Variants in NR3C2 observed in about 807,000 individuals in gnomAD.
NR3C2 encodes the protein nuclear receptor subfamily 3 group C member 2.
A neutral mutation model predicts 86.4 loss-of-function variants in NR3C2; 15 were observed. The ratio of observed to expected loss-of-function variants is 0.17; its 90% confidence interval spans 0.12 to 0.27. The LOEUF (loss-of-function observed/expected upper bound fraction) is 0.27. Among genes scored for constraint, NR3C2 ranks in the 10% least tolerant of loss-of-function variants. The probability of loss-of-function intolerance (pLI) is 1.00; values close to 1 mark genes in which losing one functional copy is unlikely to be tolerated. For missense variants in NR3C2, 960 were observed against 1,195.6 expected (o/e 0.80, Z 2.91); for synonymous variants, 458 against 450.5 (o/e 1.02, Z -0.21).
chr4:148,426,705 A>G (rs911345249), intron 2 of NR3C2, among the ~76,000 whole-genome samples: 6 of 152,302 alleles, frequency 3.9e-5, no homozygotes, highest in Non-Finnish European at 7.3e-5. Context: ...GTCACTACAT[A>G]CATTCCCTCC....
At chr4:148,136,101 C>A (rs9762359) in intron 6 of NR3C2, among the ~76,000 whole-genome samples, 140,090 of 141,082 alleles carry the variant, frequency 0.99, 69,549 homozygotes, top group South Asian at 1. Flanking sequence ...ACCACCAAAA[C>A]CAACAAAAAA....
chr4:148,275,851 C>T (rs977716814), intron 2 of NR3C2, among the ~76,000 whole-genome samples: 6 of 151,918 alleles, frequency 3.9e-5, no homozygotes, highest in East Asian at 1.9e-4. Context: ...GGACATCAAG[C>T]GATTTTGAAG....
intron 2 of NR3C2, among the ~76,000 whole-genome samples, chr4:148,310,062 T>A (rs1489159786): frequency 6.6e-6 from 1 of 152,210 alleles, no homozygotes; most frequent in African/African-American, 2.4e-5. Flanking sequence ...ATGAATACGA[T>A]ATAATTATTT....
rs772640003 is a variant in NR3C2, at chr4:148,436,282, A to T, written c.579T>A (p.Ser193=). 1.9e-6 allele frequency: 3 copies of T among 1,614,186 alleles called. No individual in the cohort carries two copies. Among genetic ancestry groups the T allele is most frequent in the Non-Finnish European group, 2.5e-6 (3 of 1,179,998 alleles). ...ATGTCATGTTCAGAGGGCTGCAAAC[A>T]GACGGGCTTTTCTCATGACACATGA... is the stretch of plus-strand genomic sequence containing the variant. ...SPIMCHEKSP[S]VCSPLNMTSS... Residue 193 remains serine, a synonymous_variant, in exon 2 of 9, where the codon TCT becomes TCA. Coordinates refer to ENST00000358102, the MANE Select transcript of NR3C2 (RefSeq NM_000901.5).
chr4:148,233,141 G>T (rs1309472205), intron 3 of NR3C2, among the ~76,000 whole-genome samples: 1 of 152,104 alleles, frequency 6.6e-6, no homozygotes, highest in Non-Finnish European at 1.5e-5. Context: ...CTTATCATTT[G>T]TGTGTTCACT....
chr4:148,134,513 A>T (rs1733184737), intron 6 of NR3C2, among the ~76,000 whole-genome samples: 1 of 152,128 alleles, frequency 6.6e-6, no homozygotes, highest in African/African-American at 2.4e-5. Flanking sequence ...ATCAGAACTA[A>T]GTAGCGGTGC....
intron 6 of NR3C2, among the ~76,000 whole-genome samples, chr4:148,151,622 ACTTTT>A (rs1299455496): frequency 1.3e-5 from 2 of 152,162 alleles, no homozygotes; most frequent in Non-Finnish European, 2.9e-5. Context: ...ATCTGTCTAT[ACTTTT>A]CATCTTTTGC....
At chr4:148,348,931 C>T (rs1383775287) in intron 2 of NR3C2, among the ~76,000 whole-genome samples, 1 of 152,130 alleles carries the variant, frequency 6.6e-6, no homozygotes, top group Non-Finnish European at 1.5e-5. Context: ...GACTTTTCAA[C>T]CATATTCAAG....
intron 8 of NR3C2, among the ~76,000 whole-genome samples, chr4:148,110,651 T>A (rs1732008518): frequency 6.6e-6 from 1 of 152,112 alleles, no homozygotes. Flanking sequence ...ATAAATAGAG[T>A]ATTCAAGATG....
At chr4:148,228,563 C>T (rs955506962) in intron 3 of NR3C2, among the ~76,000 whole-genome samples, 5 of 152,156 alleles carry the variant, frequency 3.3e-5, no homozygotes, top group Admixed American at 2.0e-4. Context: ...ATTATGGAAA[C>T]AGGTCCTCTG....
intron 2 of NR3C2, among the ~76,000 whole-genome samples, chr4:148,428,859 C>T (rs1749671889): frequency 6.6e-6 from 1 of 152,108 alleles, no homozygotes; most frequent in African/African-American, 2.4e-5. Context: ...CCCAAGTGCA[C>T]TTCCTCTCCT....
At chr4:148,302,382 T>A (rs898071762) in intron 2 of NR3C2, among the ~76,000 whole-genome samples, 8 of 103,538 alleles carry the variant, frequency 7.7e-5, no homozygotes, top group African/African-American at 2.6e-4. Flanking sequence ...GAGCTATTAA[T>A]GGCCTTTAAT....
At chr4:148,284,500 C>T (rs1741418181) in intron 2 of NR3C2, among the ~76,000 whole-genome samples, 1 of 152,096 alleles carries the variant, frequency 6.6e-6, no homozygotes, top group South Asian at 2.1e-4. Context: ...TTTACTTTTA[C>T]CTATACAAAT....
intron 6 of NR3C2, among the ~76,000 whole-genome samples, chr4:148,122,372 G>A (rs779443818): frequency 3.3e-5 from 5 of 152,080 alleles, no homozygotes; most frequent in Admixed American, 1.3e-4. Context: ...CTTGTCAGGT[G>A]TGCTGTCCAC....
At chr4:148,442,984 C>T (rs1342936531), upstream of NR3C2, 2 of 985,290 alleles carry the variant, frequency 2.0e-6, no homozygotes, top group Non-Finnish European at 2.4e-6. Flanking sequence ...CAGACCCTGG[C>T]GCCGCCCAAC....
Position 148,435,324 on chromosome 4 carries a change from T to A in NR3C2, c.1537A>T (p.Ile513Phe). 4 of 1,614,176 alleles carry A rather than the reference T, an allele frequency of 2.5e-6. No homozygotes were observed. The highest frequency in any genetic ancestry group is 3.4e-6 in the Non-Finnish European group (4 of 1,180,022). ...YPEASIPSSA[I>F]VGVNSGGQSF... ...TGTCCACCTGAATTCACCCCAACAA[T>A]AGCAGAGGAAGGGATGCTGGCCTCT... The change falls in exon 2 of 9, where the codon ATT (isoleucine) becomes TTT (phenylalanine). Residue 513 changes from isoleucine to phenylalanine, a missense_variant. Physicochemically the swap from Ile to Phe is conservative, Grantham distance 21 (BLOSUM62 0). Coordinates refer to ENST00000358102, the MANE Select transcript of NR3C2 (RefSeq NM_000901.5).
At chr4:148,333,882 C>T (rs976356638) in intron 2 of NR3C2, among the ~76,000 whole-genome samples, 3 of 152,094 alleles carry the variant, frequency 2.0e-5, no homozygotes, top group Non-Finnish European at 4.4e-5. Flanking sequence ...GCAAAACTAG[C>T]TTTTTCTTAA....
chr4:148,195,219 T>C (rs1736386001), intron 3 of NR3C2, among the ~76,000 whole-genome samples: 1 of 152,250 alleles, frequency 6.6e-6, no homozygotes, highest in Non-Finnish European at 1.5e-5. Flanking sequence ...TGCAGCTGTT[T>C]AAGCTGCTAT....
At chr4:148,407,033 A>T (rs1748461261) in intron 2 of NR3C2, among the ~76,000 whole-genome samples, 1 of 152,238 alleles carries the variant, frequency 6.6e-6, no homozygotes, top group Non-Finnish European at 1.5e-5. Flanking sequence ...CAGAAGTGCC[A>T]GGCACTGCGC....
Sources: allele counts gnomAD v4.1 joint callset (sites outside exome capture counted in the v4.1 genomes callset), GRCh38; gene constraint gnomAD v4.1.1; transcripts MANE v1.5; gene names NCBI Gene and HGNC (gene_info 2026-07-23, HGNC 2026-07-21).